ATP2B3: variants seen among roughly 807,000 people sequenced by gnomAD.
The protein encoded by ATP2B3 is ATPase plasma membrane Ca2+ transporting 3.
ATP2B3 carries 12 observed loss-of-function variants against 70.8 expected under a neutral mutation model. The observed-to-expected ratio is 0.17, with a 90% CI of 0.11 to 0.27. The LOEUF (loss-of-function observed/expected upper bound fraction) is 0.27, where lower values mean the gene tolerates loss of function less well. Ranked by LOEUF, ATP2B3 falls within the 10% of genes least tolerant of loss-of-function variation. The pLI is 1.00. For synonymous variants in ATP2B3, 460 were observed against 497.8 expected (o/e 0.92, Z 1.01); for missense variants, 858 against 1,118.5 (o/e 0.77, Z 3.32).
intron 2 of ATP2B3, among the ~76,000 whole-genome samples, chrX:153,525,256 G>A (rs782818718): frequency 5.7e-4 from 64 of 112,539 alleles, no homozygotes; most frequent in African/African-American, 2.0e-3. Flanking sequence ...GCACTCCGGC[G>A]TTTCAAATCA....
intron 13 of ATP2B3, among the ~76,000 whole-genome samples, chrX:153,555,425 C>G (rs2090519680): frequency 1.8e-5 from 2 of 111,804 alleles, no homozygotes; most frequent in Admixed American, 1.9e-4. Flanking sequence ...TAGGCTTGAC[C>G]TCCTCATTCA....
At chrX:153,523,590 T>C (rs2089988095) in intron 2 of ATP2B3, among the ~76,000 whole-genome samples, 1 of 111,855 alleles carries the variant, frequency 8.9e-6, no homozygotes, top group Non-Finnish European at 1.9e-5. Flanking sequence ...CAAAAATATG[T>C]ACTTTACTTT....
chrX:153,545,953 C>T (rs1223166272), intron 7 of ATP2B3, 135 bp from the exon 8 acceptor site: 9 of 621,261 alleles, frequency 1.4e-5, no homozygotes, highest in South Asian at 2.6e-5. Flanking sequence ...GAGGTGGTGA[C>T]GGGGTGAGCC....
chrX:153,546,966 G>A (rs1263748281), intron 8 of ATP2B3, among the ~76,000 whole-genome samples: 1 of 112,403 alleles, frequency 8.9e-6, no homozygotes, highest in African/African-American at 3.2e-5. Context: ...AAGAGGAGCC[G>A]TGGCGAATGG....
At chrX:153,558,005 C>A in intron 16 of ATP2B3, 107 bp from the exon 17 acceptor site, 1 of 798,143 alleles carries the variant, frequency 1.3e-6, no homozygotes, top group Non-Finnish European at 1.7e-6. Context: ...GGATGTTATT[C>A]AGAAGGGGAG....
At position 153,536,302 on chromosome X, in the gene ATP2B3, C is replaced by T. The variant is rs1557003915; in HGVS notation, c.55C>T (p.Arg19Trp). The change falls in exon 3 of 22, where the codon CGG becomes TGG. Residue 19 changes from arginine to tryptophan, a missense_variant. This residue lies in a region of ATP2B3 where 278 missense variants were observed against 366.2 expected (regional missense o/e 0.76). Coordinates refer to ENST00000263519, the MANE Select transcript of ATP2B3 (RefSeq NM_001001344.3). ...IEFHPKPQQQ[R>W]DVPQAGGFGC... ...GTTCCACCCCAAGCCCCAGCAGCAG[C>T]GGGATGTCCCCCAGGCTGGAGGCTT... 4 of 1,198,650 alleles carry T rather than the reference C, an allele frequency of 3.3e-6. No individual in the cohort carries two copies. Among genetic ancestry groups the T allele is most frequent in the East Asian group, 3.0e-5 (1 of 33,275 alleles).
intron 2 of ATP2B3, among the ~76,000 whole-genome samples, chrX:153,526,922 C>T (rs936276424): frequency 1.1e-3 from 121 of 112,116 alleles, no homozygotes; most frequent in African/African-American, 3.8e-3. Context: ...CCAGGATGCC[C>T]TCTCTACTGC....
At chrX:153,541,226 C>T (rs376907013) in intron 3 of ATP2B3, 133 bp from the exon 4 acceptor site, 14 of 766,019 alleles carry the variant, frequency 1.8e-5, no homozygotes, top group African/African-American at 6.3e-5. Context: ...GAGCCAGGCG[C>T]TGGCCAGACG....
intron 2 of ATP2B3, among the ~76,000 whole-genome samples, chrX:153,527,350 C>G (rs1244952808): frequency 8.8e-6 from 1 of 113,052 alleles, no homozygotes; most frequent in Non-Finnish European, 1.9e-5. Context: ...TTCTAGGTCC[C>G]CATGCCGTCC....
chrX:153,548,731 G>A lies in ATP2B3; in HGVS notation c.1215G>A (p.Glu405=). 2 of 1,211,385 alleles carry A rather than the reference G, an allele frequency of 1.7e-6. No homozygotes were observed. Among genetic ancestry groups the A allele is most frequent in the Middle Eastern group, 2.3e-4 (1 of 4,341 alleles). ...FVVEGRTWLA[E]CTPVYVQYFV... is the part of the protein sequence containing the mutation. ...TGGAAGGCCGGACATGGCTGGCAGA[G>A]TGCACGCCGGTCTATGTACAATACT... Residue 405 remains glutamate (E), a synonymous_variant, in exon 10 of 22, where the codon GAG becomes GAA. Coordinates refer to ENST00000263519, the MANE Select transcript of ATP2B3 (RefSeq NM_001001344.3).
chrX:153,522,565 T>C (rs868977247), intron 2 of ATP2B3, among the ~76,000 whole-genome samples: 1 of 111,943 alleles, frequency 8.9e-6, no homozygotes, highest in Non-Finnish European at 1.9e-5. Context: ...TTGGAGCAAA[T>C]GGAGACCCGA....
At chrX:153,552,101 G>A (rs2090466177) in intron 12 of ATP2B3, among the ~76,000 whole-genome samples, 1 of 112,442 alleles carries the variant, frequency 8.9e-6, no homozygotes, top group Non-Finnish European at 1.9e-5. Flanking sequence ...AGCCATCCCT[G>A]CTGGTGTGGG....
intron 3 of ATP2B3, 35 bp downstream of exon 3, chrX:153,536,490 T>C: frequency 8.6e-7 from 1 of 1,168,999 alleles, no homozygotes; most frequent in Non-Finnish European, 1.1e-6. Context: ...CACCCAGCCC[T>C]GCTCCCAGCC....
At chrX:153,571,178 G>A (rs1189816017) in intron 21 of ATP2B3, among the ~76,000 whole-genome samples, 3 of 112,355 alleles carry the variant, frequency 2.7e-5, no homozygotes, top group Admixed American at 9.3e-5. Flanking sequence ...TGCCCTAGAC[G>A]TGGGCCCAAA....
chrX:153,529,149 G>T (rs1425394234), intron 2 of ATP2B3, among the ~76,000 whole-genome samples: 3 of 112,348 alleles, frequency 2.7e-5, no homozygotes, highest in Non-Finnish European at 5.6e-5. Flanking sequence ...GGGATGGAAT[G>T]GGGTCAGTAC....
intron 10 of ATP2B3, 93 bp from the exon 11 acceptor site, chrX:153,549,404 A>G (rs2090422422): frequency 8.5e-7 from 1 of 1,180,422 alleles, no homozygotes; most frequent in Admixed American, 2.2e-5. Flanking sequence ...CTAGCTGAGC[A>G]GAACAGAGTC....
rs1211748776 is a variant in ATP2B3, at chrX:153,562,163, C to T, written c.3080C>T (p.Pro1027Leu). The stretch of plus-strand genomic sequence containing the variant: ...GTCATCGTCCAGTTTGGCGGGAAGC[C>T]CTTCAGCTGCTCCCCACTATCCACA... ...QIVIVQFGGKPFSCSPLSTEQ... is the reference protein window; with the variant it reads ...QIVIVQFGGKLFSCSPLSTEQ... Residue 1027 changes from proline to leucine, a missense_variant, in exon 20 of 22, where the codon CCC becomes CTC. Coordinates refer to ENST00000263519, the MANE Select transcript of ATP2B3 (RefSeq NM_001001344.3). 2 of 1,210,930 alleles carry T rather than the reference C, an allele frequency of 1.7e-6. No individual in the cohort carries two copies. The highest frequency in any genetic ancestry group is 2.2e-6 in the Non-Finnish European group (2 of 895,292).
At chrX:153,574,607 C>A in intron 21 of ATP2B3, 1 of 250,040 alleles carries the variant, frequency 4.0e-6, no homozygotes, top group Non-Finnish European at 7.7e-6. Flanking sequence ...TCTGTCGTTT[C>A]GTTGTCACTG....
chrX:153,578,586 C>A (rs1334011640), intron 21 of ATP2B3, among the ~76,000 whole-genome samples: 1 of 112,563 alleles, frequency 8.9e-6, no homozygotes, highest in Non-Finnish European at 1.9e-5. Context: ...GCTCCTGGAG[C>A]AGTGCCCTGC....
Sources: gnomAD v4.1 joint callset for allele counts (sites outside exome capture counted in the v4.1 genomes callset) on GRCh38, gnomAD v4.1.1 for gene constraint, gnomAD v4.1.1 regional missense constraint, MANE v1.5 for transcripts, NCBI Gene and HGNC (gene_info 2026-07-23, HGNC 2026-07-21) for gene names.